Variants in HDAC7 observed in about 807,000 individuals in gnomAD.
The protein encoded by HDAC7 is histone deacetylase 7A.
In HDAC7, 26 loss-of-function variants were observed where a neutral mutation model predicts 115.5. The observed-to-expected ratio is 0.23, with a 90% CI of 0.16 to 0.31. The LOEUF (loss-of-function observed/expected upper bound fraction) is 0.31, where lower values mean the gene tolerates loss of function less well. HDAC7 is among the 10% of genes least tolerant of loss of function. The pLI is 1.00. For missense variants in HDAC7, 1,068 were observed against 1,329.0 expected, an observed-to-expected ratio of 0.80 and a Z score of 3.05; for synonymous variants, 564 against 550.9, an observed-to-expected ratio of 1.02 and a Z score of -0.33.
At chr12:47,786,360 C>G (rs1388754076) in intron 22 of HDAC7, among the ~76,000 whole-genome samples, 4 of 152,252 alleles carry the variant, frequency 2.6e-5, no homozygotes, top group Non-Finnish European at 5.9e-5. Context: ...ATGACCTGGT[C>G]AAGCCCTCCG....
At chr12:47,813,736 T>G (rs1944767031) in intron 1 of HDAC7, among the ~76,000 whole-genome samples, 1 of 152,124 alleles carries the variant, frequency 6.6e-6, no homozygotes, top group African/African-American at 2.4e-5. Flanking sequence ...CGGGAAGGCC[T>G]GGGAGTCGGG....
chr12:47,796,215 C>A lies in HDAC7; in HGVS notation c.787G>T (p.Gly263Cys). The A allele has an allele frequency of 6.2e-7, 1 of 1,607,874 alleles. No individual in the cohort carries two copies. Among genetic ancestry groups the A allele is most frequent in the Non-Finnish European group, 8.5e-7 (1 of 1,178,150 alleles). Residue 263 changes from glycine to cysteine, a missense_variant, in exon 8 of 26, where the codon GGC (glycine) becomes TGC (cysteine). Gly to Cys is a radical substitution (Grantham distance 159). This residue lies in a region of HDAC7 where 618 missense variants were observed against 701.5 expected (regional missense o/e 0.88). Coordinates refer to ENST00000080059, the MANE Select transcript of HDAC7 (RefSeq NM_015401.5). ...DSEHGPNPIL[G>C]SEALLGQRLR... is the part of the protein sequence containing the mutation. ...TCTCGGCAAGGCCTTACCTCCGAGC[C>A]CAGGATGGGATTGGGGCCGTGCTCG...
chr12:47,793,439 T>C lies in HDAC7; in HGVS notation c.1608A>G (p.Pro536=), dbSNP rs1943639782. The C allele has an allele frequency of 4.5e-6, 7 of 1,560,996 alleles. No homozygotes were observed. The highest frequency in any genetic ancestry group is 6.1e-6 in the Non-Finnish European group (7 of 1,152,504). ...SPAAPASLSA[P]EPASQARVLS... ...GGACTCGGGCCTGGCTGGCAGGCTC[T>C]GGGGCTGACAGTGAGGCAGGTGCGG... The change falls in exon 13 of 26, where the codon CCA becomes CCG. Residue 536 remains proline (P), a synonymous_variant. Transcript: ENST00000080059. The surrounding 1 kb of genome is among the most constrained non-coding windows in gnomAD (Gnocchi z 4.5).
intron 1 of HDAC7, among the ~76,000 whole-genome samples, chr12:47,816,697 A>G (rs527889790): frequency 6.6e-6 from 1 of 151,646 alleles, no homozygotes; most frequent in East Asian, 1.9e-4. Context: ...CACCTCTGCC[A>G]CCCCCACCCC....
intron 1 of HDAC7, among the ~76,000 whole-genome samples, chr12:47,811,006 G>T (rs1944639910): frequency 6.6e-6 from 1 of 152,068 alleles, no homozygotes; most frequent in Non-Finnish European, 1.5e-5. Flanking sequence ...TGGGGCAGAG[G>T]AAGGCAGAAG....
intron 1 of HDAC7, among the ~76,000 whole-genome samples, chr12:47,809,022 T>A (rs1157918098): frequency 6.6e-6 from 1 of 152,230 alleles, no homozygotes; most frequent in East Asian, 1.9e-4. Flanking sequence ...AACATGGGGA[T>A]AAGTCGGCCA....
At position 47,802,256 on chromosome 12, in the gene HDAC7, G is replaced by A. The variant is rs377755527; in HGVS notation, c.38C>T (p.Pro13Leu). The A allele has an allele frequency of 1.2e-5, 20 of 1,613,822 alleles. No individual in the cohort carries two copies. The highest frequency in any genetic ancestry group is 4.4e-5 in the South Asian group (4 of 91,050). ...SPGADGTQVSPGAHYCSPTGA... is the reference protein window; with the variant it reads ...SPGADGTQVSLGAHYCSPTGA... ...AGTGGGGCTGCAGTAGTGGGCACCC[G>A]GGCTCACCTGGGTCCCATCTGTAGA... The change falls in exon 2 of 26, where the codon CCG (proline) becomes CTG (leucine). Residue 13 changes from proline to leucine, a missense_variant. Coordinates refer to ENST00000080059, the MANE Select transcript of HDAC7 (RefSeq NM_015401.5).
chr12:47,809,853 G>C (rs1381265911), intron 1 of HDAC7, among the ~76,000 whole-genome samples: 1 of 152,116 alleles, frequency 6.6e-6, no homozygotes, highest in East Asian at 1.9e-4. Flanking sequence ...TTACAGGCCT[G>C]AGCCACCACA....
At chr12:47,787,229 C>T (rs758961485) in intron 21 of HDAC7, among the ~76,000 whole-genome samples, 1 of 71,910 alleles carries the variant, frequency 1.4e-5, no homozygotes, top group South Asian at 5.0e-4. Context: ...TCATCCTCTC[C>T]CTCTTCCAGG....
At position 47,795,149 on chromosome 12, in the gene HDAC7, C is replaced by T. The variant is rs1389546342; in HGVS notation, c.1284+35G>A. On this transcript the variant is annotated intron_variant, in intron 11 of 25. Coordinates refer to ENST00000080059, the MANE Select transcript of HDAC7 (RefSeq NM_015401.5). This position sits in a 1 kb window ranked among gnomAD's most constrained non-coding sequence, Gnocchi z 4.3. The stretch of plus-strand genomic sequence containing the variant: ...TGGCCCCTAAGTCCCCAGTTAAACA[C>T]TCCCTCAATACCTCCACTGCCCAAT... 1 of 1,553,902 alleles carries T rather than the reference C, an allele frequency of 6.4e-7. No homozygotes were observed. Among genetic ancestry groups the T allele is most frequent in the South Asian group, 1.1e-5 (1 of 87,068 alleles).
intron 1 of HDAC7, among the ~76,000 whole-genome samples, chr12:47,816,575 C>T (rs915684777): frequency 2.0e-5 from 3 of 152,180 alleles, no homozygotes; most frequent in Non-Finnish European, 4.4e-5. Flanking sequence ...TGTGTGCTCA[C>T]ACACATCTCA....
At chr12:47,785,100 T>G (rs1943096033) in intron 24 of HDAC7, 1 of 554,118 alleles carries the variant, frequency 1.8e-6, no homozygotes, top group East Asian at 3.1e-5. Flanking sequence ...AGTGTTGCTC[T>G]TGACCTGGCC....
chr12:47,805,335 C>T (rs1435298023), intron 1 of HDAC7, among the ~76,000 whole-genome samples: 1 of 152,032 alleles, frequency 6.6e-6, no homozygotes, highest in African/African-American at 2.4e-5. Flanking sequence ...CCTCCCCGCT[C>T]ATCTTCAAAG....
intron 24 of HDAC7, 175 bp downstream of exon 24, chr12:47,785,212 C>A (rs775306591): frequency 2.7e-5 from 17 of 629,606 alleles, no homozygotes; most frequent in Non-Finnish European, 3.9e-5. Context: ...AGAGGATAAC[C>A]CCTCACTGGG....
intron 1 of HDAC7, among the ~76,000 whole-genome samples, chr12:47,811,845 G>T (rs1341471701): frequency 1.3e-5 from 2 of 152,126 alleles, no homozygotes; most frequent in Non-Finnish European, 2.9e-5. Context: ...TCTCGCCAAG[G>T]GCCTATAACA....
intron 16 of HDAC7, chr12:47,790,780 T>A: frequency 5.5e-6 from 1 of 182,620 alleles, no homozygotes; most frequent in Non-Finnish European, 1.2e-5. Flanking sequence ...GCGAGCGGAG[T>A]TTGGGGCTAT....
Position 47,791,615 on chromosome 12 carries a change from C to T in HDAC7, c.1904G>A (p.Arg635His), listed in dbSNP as rs760845864. Residue 635 changes from arginine to histidine, a missense_variant, in exon 15 of 26, where the codon CGC (arginine) becomes CAC (histidine). Coordinates refer to ENST00000080059, the MANE Select transcript of HDAC7 (RefSeq NM_015401.5). Reference sequence around the variant, plus strand: ...CAGCTTCCCGTTGTCCAGTTTGAGGCGGCTGAGCGGGTTGGTGCCGTAGAG... The same window carrying T: ...CAGCTTCCCGTTGTCCAGTTTGAGGTGGCTGAGCGGGTTGGTGCCGTAGAG... ...VLLYGTNPLS[R>H]LKLDNGKLAG... 9.3e-6 allele frequency: 15 copies of T among 1,609,592 alleles called. No individual in the cohort carries two copies. The highest frequency in any genetic ancestry group is 1.3e-5 in the African/African-American group (1 of 74,860).
Position 47,793,038 on chromosome 12 carries a change from C to T in HDAC7, c.1678+331G>A, listed in dbSNP as rs918514936. ...TGTACTCTTCAAAATGTCTAAAATA[C>T]TTCTGAGCTCTTTTTACAAGCAGAG... is the stretch of plus-strand genomic sequence containing the variant. On this transcript the variant is annotated intron_variant, in intron 13 of 25. Coordinates refer to ENST00000080059, the MANE Select transcript of HDAC7 (RefSeq NM_015401.5). The surrounding 1 kb of genome is among the most constrained non-coding windows in gnomAD (Gnocchi z 4.5). The T allele has an allele frequency of 5.1e-5, 16 of 313,650 alleles. No homozygotes were observed. The highest frequency in any genetic ancestry group is 8.3e-5 in the Non-Finnish European group (14 of 169,074). 19.4% of individuals were successfully genotyped at this position (313,650 alleles called of 1,614,324 possible). A position where few individuals can be genotyped will look rare whatever the true frequency, so the allele number is the denominator to read the frequency against.
intron 16 of HDAC7, chr12:47,790,515 A>G (rs951544533): frequency 6.4e-6 from 1 of 155,980 alleles, no homozygotes; most frequent in African/African-American, 2.4e-5. Context: ...AGGGAGGAGA[A>G]AACAGAAGCA....
Sources: gnomAD v4.1 joint callset for allele counts (sites outside exome capture counted in the v4.1 genomes callset) on GRCh38, gnomAD v4.1.1 for gene constraint, gnomAD v4.1.1 regional missense constraint, Gnocchi (gnomAD v3.1) non-coding constraint, MANE v1.5 for transcripts, NCBI Gene and HGNC (gene_info 2026-07-23, HGNC 2026-07-21) for gene names.